Variants in FLYWCH1 observed in about 807,000 individuals in gnomAD.
The protein encoded by FLYWCH1 is FLYWCH-type zinc finger 1.
Under a neutral mutation model 66.4 loss-of-function variants are expected in FLYWCH1, and 75 were observed. The ratio of observed to expected loss-of-function variants is 1.13; its 90% CI spans 0.94 to 1.37. The LOEUF (loss-of-function observed/expected upper bound fraction) is 1.37, where lower values mean the gene tolerates loss of function less well. Among genes scored for constraint, FLYWCH1 ranks in the 40% most tolerant of loss-of-function variants. The pLI is 0.00. For missense variants in FLYWCH1, 1,334 were observed against 1,001.8 expected (o/e 1.33, Z -4.48); for synonymous variants, 595 against 429.9 (o/e 1.38, Z -4.75).
At position 2,950,145 on chromosome 16, in the gene FLYWCH1, G is replaced by C. The variant is rs2071631978; in HGVS notation, c.*1418G>C. On this transcript the variant is annotated 3_prime_UTR_variant, in exon 10 of 10. Transcript: ENST00000253928. ...GTTACGCCTAGACTCATCTGCATAA[G>C]CCTGGGCAAGTGGCACCCCTGGGCC... The C allele has an allele frequency of 6.6e-6, 1 of 152,240 alleles. No homozygotes were observed. Among genetic ancestry groups the C allele is most frequent in the African/African-American group, 2.4e-5 (1 of 41,444 alleles). The allele number at this position is 152,240 out of a possible 1,614,324, so 9.4% of individuals were successfully genotyped here. A position where few individuals can be genotyped will look rare whatever the true frequency, so the allele number is the denominator to read the frequency against.
At position 2,940,016 on chromosome 16, in the gene FLYWCH1, A is replaced by T. The variant is rs568542283; in HGVS notation, c.2051-16A>T. On this transcript the variant is annotated splice_polypyrimidine_tract_variant and intron_variant, in intron 8 of 9. Transcript: ENST00000253928. ...AGAAGAATTATTAATTCATATTTTC[A>T]ATTATTTTTCCACAGAAAAGATTCA... 6 of 1,595,602 alleles carry T rather than the reference A, an allele frequency of 3.8e-6. No homozygotes were observed. Among genetic ancestry groups the T allele is most frequent in the Non-Finnish European group, 5.1e-6 (6 of 1,169,504 alleles).
At chr16:2,945,485 CAAA>C (rs60942194) in intron 9 of FLYWCH1, among the ~76,000 whole-genome samples, 6,013 of 87,760 alleles carry the variant, frequency 0.069, 180 homozygotes, top group Middle Eastern at 0.14. Flanking sequence ...GACTCCATCT[CAAA>C]AAAAAAAAAA....
At chr16:2,930,972 G>C (rs1386999510) in intron 4 of FLYWCH1, 92 bp downstream of exon 4, 6 of 1,004,034 alleles carry the variant, frequency 6.0e-6, no homozygotes, top group Admixed American at 2.9e-5. Flanking sequence ...GGTCCCACAG[G>C]GTCTTTTAAA....
At position 2,949,716 on chromosome 16, in the gene FLYWCH1, C is replaced by A. The variant is rs148175741; in HGVS notation, c.*989C>A. On this transcript the variant is annotated 3_prime_UTR_variant, in exon 10 of 10. Coordinates refer to ENST00000253928, the MANE Select transcript of FLYWCH1 (RefSeq NM_001308068.2). ...GGCCTGTCCCCTGGCAAGTTGGCCA[C>A]GGAACCCACCATGCACTGCAAGGCT... The A allele has an allele frequency of 6.6e-6, 1 of 152,034 alleles. No individual in the cohort carries two copies. The highest frequency in any genetic ancestry group is 1.5e-5 in the Non-Finnish European group (1 of 68,012). 9.4% of individuals were successfully genotyped at this position (152,034 alleles called of 1,614,324 possible).
chr16:2,924,784 C>A (rs940177930), intron 2 of FLYWCH1, among the ~76,000 whole-genome samples: 1 of 152,204 alleles, frequency 6.6e-6, no homozygotes, highest in Admixed American at 6.5e-5. Flanking sequence ...CCTGAACGGG[C>A]AAGAGTGGGA....
At chr16:2,943,189 A>G (rs936852706) in intron 9 of FLYWCH1, 1 of 152,212 alleles carries the variant, frequency 6.6e-6, no homozygotes, top group East Asian at 1.9e-4. Context: ...AGCAACCCCC[A>G]GTGAAAACCC....
intron 6 of FLYWCH1, 150 bp from the exon 7 acceptor site, chr16:2,936,971 G>T: frequency 1.2e-6 from 1 of 805,556 alleles, no homozygotes; most frequent in Non-Finnish European, 1.7e-6. Flanking sequence ...AGCAGAGTTG[G>T]GGGGATGGTG....
intron 2 of FLYWCH1, among the ~76,000 whole-genome samples, chr16:2,923,972 G>A (rs1203331699): frequency 2.0e-5 from 3 of 152,114 alleles, no homozygotes; most frequent in Admixed American, 6.5e-5. Context: ...AGGAGGTGGA[G>A]GTTGCATTGA....
Position 2,938,462 on chromosome 16 carries a change from G to GT in FLYWCH1, c.2050+6_2050+7insT. The GT allele has an allele frequency of 3.3e-6, 5 of 1,518,356 alleles. No individual in the cohort carries two copies. The highest frequency in any genetic ancestry group is 3.6e-4 in the Middle Eastern group (2 of 5,584). The allele number at this position is 1,518,356 out of a possible 1,614,324, so 94.1% of individuals were successfully genotyped here. A position where few individuals can be genotyped will look rare whatever the true frequency, so the allele number is the denominator to read the frequency against. ...GGCCCAGCAGGAGGACCCAGGTACA[G>GT]GCAGGCTGTGGGGCAGAGGCAGGGC... On this transcript the variant is annotated splice_region_variant and intron_variant, in intron 8 of 9. Transcript: ENST00000253928.
chr16:2,935,655 G>A (rs556781007), intron 6 of FLYWCH1: 60 of 152,312 alleles, frequency 3.9e-4, no homozygotes, highest in African/African-American at 1.2e-3. Flanking sequence ...CCTCCGTGGT[G>A]TCACAGGTGC....
chr16:2,925,140 G>A (rs1724555872), intron 2 of FLYWCH1, among the ~76,000 whole-genome samples: 1 of 152,246 alleles, frequency 6.6e-6, no homozygotes, highest in South Asian at 2.1e-4. Context: ...CATAGTCTGG[G>A]AGGCCTCTGT....
At chr16:2,933,059 G>C in intron 4 of FLYWCH1, 71 bp from the exon 5 acceptor site, 1 of 1,368,238 alleles carries the variant, frequency 7.3e-7, no homozygotes, top group South Asian at 1.3e-5. Context: ...AGCCCCCACA[G>C]TCTGCAGGGG....
intron 2 of FLYWCH1, among the ~76,000 whole-genome samples, chr16:2,925,539 C>T (rs2070529088): frequency 1.5e-5 from 2 of 133,086 alleles, no homozygotes; most frequent in Non-Finnish European, 3.1e-5. Context: ...GACTTGTGCC[C>T]AGGCCAATCA....
chr16:2,927,745 AG>A (rs1274335925), intron 2 of FLYWCH1, among the ~76,000 whole-genome samples: 2 of 152,230 alleles, frequency 1.3e-5, no homozygotes, highest in Non-Finnish European at 2.9e-5. Flanking sequence ...CAGGTGAAGG[AG>A]GCCTGCCGCT....
intron 2 of FLYWCH1, among the ~76,000 whole-genome samples, chr16:2,926,862 C>T (rs977463874): frequency 6.6e-6 from 1 of 152,202 alleles, no homozygotes; most frequent in African/African-American, 2.4e-5. Flanking sequence ...CCAACTCCTC[C>T]TCCCGTGGTT....
intron 2 of FLYWCH1, among the ~76,000 whole-genome samples, chr16:2,916,912 AG>A (rs1317015760): frequency 6.7e-6 from 1 of 150,074 alleles, no homozygotes; most frequent in African/African-American, 2.5e-5. Context: ...TGGGAGGCCG[AG>A]GGGGGTGGAT....
intron 4 of FLYWCH1, among the ~76,000 whole-genome samples, chr16:2,932,621 C>A (rs971957761): frequency 1.3e-5 from 2 of 152,106 alleles, no homozygotes; most frequent in South Asian, 2.1e-4. Flanking sequence ...GTGCAGGGAA[C>A]AGGGAGACTT....
chr16:2,948,761 C>T lies in FLYWCH1; in HGVS notation c.*34C>T, dbSNP rs1338247956. The stretch of plus-strand genomic sequence containing the variant: ...GGGCAGAGGAGCTCCGAGCCGCCCA[C>T]CCAAGGTGGCTTCACATCCACACAG... On this transcript the variant is annotated 3_prime_UTR_variant, in exon 10 of 10. Transcript: ENST00000253928. The T allele has an allele frequency of 6.2e-7, 1 of 1,610,432 alleles. No individual in the cohort carries two copies. The highest frequency in any genetic ancestry group is 1.1e-5 in the South Asian group (1 of 91,004).
chr16:2,936,901 C>T, intron 6 of FLYWCH1: 1 of 672,574 alleles, frequency 1.5e-6, no homozygotes, highest in Non-Finnish European at 2.6e-6. Flanking sequence ...CCGCCACCTG[C>T]AGGGGCCTCA....
Sources: allele counts gnomAD v4.1 joint callset (sites outside exome capture counted in the v4.1 genomes callset), GRCh38; gene constraint gnomAD v4.1.1; transcripts MANE v1.5; gene names NCBI Gene and HGNC (gene_info 2026-07-23, HGNC 2026-07-21).